The following GAD2 variants were observed in gnomAD, a reference collection of about 807,000 sequenced individuals.
GAD2 encodes 65 kDa glutamic acid decarboxylase.
Under a neutral mutation model 80.1 loss-of-function variants are expected in GAD2, and 22 were observed. The observed-to-expected ratio is 0.27, with a 90% CI of 0.20 to 0.39. The LOEUF is 0.39. Among genes scored for constraint, GAD2 ranks in the 10% least tolerant of loss-of-function variants. The probability of loss-of-function intolerance (pLI) is 1.00; values close to 1 mark genes in which losing one functional copy is unlikely to be tolerated. For missense variants in GAD2, 624 were observed against 738.4 expected, an observed-to-expected ratio of 0.85 and a Z score of 1.80; for synonymous variants, 274 against 256.9, an observed-to-expected ratio of 1.07 and a Z score of -0.64.
At chr10:26,239,785 T>C (rs139899185) in intron 7 of GAD2, among the ~76,000 whole-genome samples, 41 of 151,974 alleles carry the variant, frequency 2.7e-4, no homozygotes, top group African/African-American at 9.4e-4. Flanking sequence ...TGAAGGAAGG[T>C]TTTCCAGGAA....
At chr10:26,245,725 A>G (rs111863980) in intron 7 of GAD2, among the ~76,000 whole-genome samples, 196 bp from the exon 8 acceptor site, 1 of 152,166 alleles carries the variant, frequency 6.6e-6, no homozygotes, top group Non-Finnish European at 1.5e-5. Flanking sequence ...TACAGGCATG[A>G]GCCACCACGC....
At chr10:26,299,548 T>A (rs1834307932) in intron 15 of GAD2, among the ~76,000 whole-genome samples, 1 of 152,228 alleles carries the variant, frequency 6.6e-6, no homozygotes, top group Non-Finnish European at 1.5e-5. Context: ...TAGCTGTTTC[T>A]ATTATGCTAC....
chr10:26,239,847 A>C (rs902243509), intron 7 of GAD2, among the ~76,000 whole-genome samples: 12 of 152,170 alleles, frequency 7.9e-5, no homozygotes, highest in African/African-American at 2.4e-4. Context: ...TAGCAAGCTC[A>C]CAGAAGACCA....
chr10:26,298,347 G>A lies in GAD2; in HGVS notation c.1585-2441G>A, dbSNP rs148996352. 4.5e-3 allele frequency among the ~76,000 whole-genome samples: 682 copies of A among 152,232 alleles called. 7 individuals are homozygous for A. The highest frequency in any genetic ancestry group is 0.015 in the African/African-American group (643 of 41,536). On this transcript the variant is annotated intron_variant, in intron 15 of 15. Transcript: ENST00000376261. Reference sequence around the variant, plus strand: ...AACTTGCAATGAGTGAATATACAACGAAGTAGATGTTCATGTTCCGGCTAA... The same window carrying A: ...AACTTGCAATGAGTGAATATACAACAAAGTAGATGTTCATGTTCCGGCTAA...
chr10:26,300,077 T>C (rs774289568), intron 15 of GAD2, among the ~76,000 whole-genome samples: 12 of 152,330 alleles, frequency 7.9e-5, no homozygotes, highest in South Asian at 4.1e-4. Flanking sequence ...GTCTTTGCAC[T>C]GAACTAGAGT....
At chr10:26,220,760 A>G (rs749310964) in intron 4 of GAD2, among the ~76,000 whole-genome samples, 12 of 152,222 alleles carry the variant, frequency 7.9e-5, no homozygotes, top group Non-Finnish European at 1.3e-4. Context: ...AAAAGAACCT[A>G]TGGAAATGTT....
chr10:26,236,069 G>A (rs1336718846), intron 7 of GAD2, among the ~76,000 whole-genome samples: 3 of 152,068 alleles, frequency 2.0e-5, no homozygotes, highest in Non-Finnish European at 4.4e-5. Context: ...TTGTGGCTTC[G>A]ACCCACTTCT....
At chr10:26,244,706 G>T (rs1354357345) in intron 7 of GAD2, among the ~76,000 whole-genome samples, 1 of 152,140 alleles carries the variant, frequency 6.6e-6, no homozygotes, top group African/African-American at 2.4e-5. Flanking sequence ...TGGAATGGTG[G>T]TATTCAGGGG....
chr10:26,294,038 A>G (rs1279452872), intron 15 of GAD2, among the ~76,000 whole-genome samples: 2 of 152,174 alleles, frequency 1.3e-5, no homozygotes, highest in African/African-American at 2.4e-5. Flanking sequence ...GCACTTATAC[A>G]TGGGTGAAAT....
intron 8 of GAD2, among the ~76,000 whole-genome samples, chr10:26,264,113 T>C (rs941407879): frequency 1.3e-5 from 2 of 152,196 alleles, no homozygotes; most frequent in Non-Finnish European, 2.9e-5. Context: ...CAAACACACA[T>C]TGAGTGGTTA....
At position 26,291,090 on chromosome 10, in the gene GAD2, T is replaced by A. The variant is rs149399197; in HGVS notation, c.1387-1375T>A. Among the ~76,000 whole-genome samples, 6 of 152,224 alleles carry A rather than the reference T, an allele frequency of 3.9e-5. No individual in the cohort carries two copies. The East Asian group carries it at 1.2e-3, about 29-fold the overall frequency. ...TCATCATTCCCATCTGATCAGAGAGTTGGCCAAAGCCATTCATCTGGACAG... is the reference window on the plus strand; with the variant it reads ...TCATCATTCCCATCTGATCAGAGAGATGGCCAAAGCCATTCATCTGGACAG... On this transcript the variant is annotated intron_variant, in intron 13 of 15. Transcript: ENST00000376261.
intron 7 of GAD2, among the ~76,000 whole-genome samples, chr10:26,230,376 T>TCAG (rs1215061176): frequency 6.6e-6 from 1 of 152,154 alleles, no homozygotes; most frequent in African/African-American, 2.4e-5. Context: ...GTTTGAAAAC[T>TCAG]CAGCCCACTG....
At chr10:26,233,361 T>C (rs139709028) in intron 7 of GAD2, among the ~76,000 whole-genome samples, 268 of 152,326 alleles carry the variant, frequency 1.8e-3, no homozygotes, top group African/African-American at 5.1e-3. Context: ...CGATGCTAAT[T>C]TGTGACTCTC....
intron 4 of GAD2, among the ~76,000 whole-genome samples, chr10:26,220,517 A>G (rs1366616356): frequency 6.6e-6 from 1 of 152,198 alleles, no homozygotes; most frequent in Admixed American, 6.5e-5. Context: ...CAGGCTATGG[A>G]ATAGGAGTTT....
At chr10:26,225,947 A>G (rs1844516324) in intron 6 of GAD2, among the ~76,000 whole-genome samples, 1 of 152,162 alleles carries the variant, frequency 6.6e-6, no homozygotes, top group Admixed American at 6.5e-5. Flanking sequence ...TGATGCTTTG[A>G]AAACATTGTT....
chr10:26,264,360 T>A (rs951633607), intron 8 of GAD2, among the ~76,000 whole-genome samples: 18 of 149,348 alleles, frequency 1.2e-4, no homozygotes, highest in Admixed American at 6.8e-4. Context: ...TCGCCCAGGC[T>A]GGACAGTGGC....
Position 26,262,353 on chromosome 10 carries a change from C to T in GAD2, c.921-6766C>T, listed in dbSNP as rs75435917. Among the ~76,000 whole-genome samples the T allele has an allele frequency of 8.0e-3, 1,187 of 148,662 alleles. 21 individuals are homozygous for T. Among genetic ancestry groups the T allele is most frequent in the African/African-American group, 0.028 (1,125 of 40,394 alleles). Reference sequence around the variant, plus strand: ...CCCAGGGAAAAATTATTTATTTTCTCAAAAACTTTAAGATTATTATAAAGC... The same window carrying T: ...CCCAGGGAAAAATTATTTATTTTCTTAAAAACTTTAAGATTATTATAAAGC... On this transcript the variant is annotated intron_variant, in intron 8 of 15. Transcript: ENST00000376261.
intron 9 of GAD2, 55 bp downstream of exon 9, chr10:26,269,228 A>G: frequency 7.1e-6 from 10 of 1,414,534 alleles, no homozygotes; most frequent in Non-Finnish European, 3.9e-6. Context: ...CATCCACCGG[A>G]GAACAAAATG....
chr10:26,259,606 A>G (rs1257618580), intron 8 of GAD2, among the ~76,000 whole-genome samples: 1 of 151,968 alleles, frequency 6.6e-6, no homozygotes, highest in Non-Finnish European at 1.5e-5. Flanking sequence ...CTAGATATTA[A>G]TCCTTTATCA....
Sources: allele counts gnomAD v4.1 joint callset (sites outside exome capture counted in the v4.1 genomes callset), GRCh38; gene constraint gnomAD v4.1.1; transcripts MANE v1.5; gene names NCBI Gene and HGNC (gene_info 2026-07-23, HGNC 2026-07-21).